PARVB: variants seen among roughly 807,000 people sequenced by gnomAD.
The protein encoded by PARVB is beta-parvin.
Under a neutral mutation model 47.0 loss-of-function variants are expected in PARVB, and 46 were observed. The observed-to-expected ratio is 0.98, with a 90% CI of 0.77 to 1.25. PARVB has a LOEUF of 1.25. Ranked by LOEUF, PARVB falls within the 50% of genes most tolerant of loss-of-function variation. The pLI, the probability that PARVB is intolerant of heterozygous loss-of-function variation, is 0.00. For missense variants in PARVB, 473 were observed against 471.6 expected, an observed-to-expected ratio of 1.00 and a Z score of -0.03; for synonymous variants, 196 against 196.3, an observed-to-expected ratio of 1.00 and a Z score of 0.01.
At chr22:44,021,433 AAGAG>A (rs1005008273), upstream of PARVB, among the ~76,000 whole-genome samples, 3 of 152,298 alleles carry the variant, frequency 2.0e-5, no homozygotes, top group African/African-American at 7.2e-5. Context: ...GAAGGTCAGA[AAGAG>A]AGAGAAACTA....
intron 2 of PARVB, among the ~76,000 whole-genome samples, chr22:44,015,928 G>T (rs1362101871): frequency 1.3e-5 from 2 of 152,032 alleles, no homozygotes; most frequent in Admixed American, 6.6e-5. Flanking sequence ...TATACAAATG[G>T]CACACCTGGC....
At chr22:44,083,438 G>A (rs982053431) in intron 1 of PARVB, among the ~76,000 whole-genome samples, 6 of 152,176 alleles carry the variant, frequency 3.9e-5, no homozygotes, top group South Asian at 2.1e-4. Flanking sequence ...AGGGAGATGA[G>A]CACAGTCCAC....
intron 2 of PARVB, among the ~76,000 whole-genome samples, chr22:44,006,703 GGCCTGT>G (rs1191197647): frequency 6.6e-6 from 1 of 152,214 alleles, no homozygotes; most frequent in Non-Finnish European, 1.5e-5. Context: ...ATTCCCAGGT[GGCCTGT>G]GTGTGCAGTC....
chr22:44,008,111 T>C (rs1011977860), intron 2 of PARVB, among the ~76,000 whole-genome samples: 31 of 152,270 alleles, frequency 2.0e-4, no homozygotes, highest in African/African-American at 7.2e-4. Flanking sequence ...TGTTGTTGTT[T>C]TGTTTTTGAG....
intron 1 of PARVB, among the ~76,000 whole-genome samples, chr22:44,040,530 C>T (rs4823187): frequency 1.3e-5 from 2 of 152,058 alleles, no homozygotes; most frequent in African/African-American, 2.4e-5. Context: ...GAGAAGTGAC[C>T]ATGGAGGTGG....
At chr22:44,113,704 A>T (rs1238348242) in intron 3 of PARVB, 3 of 65,520 alleles carry the variant, frequency 4.6e-5, no homozygotes, top group Admixed American at 4.1e-4. Flanking sequence ...ACCAACACAG[A>T]TACATTGTTA....
At chr22:44,164,800 G>A (rs937201409) in intron 12 of PARVB, among the ~76,000 whole-genome samples, 1 of 152,144 alleles carries the variant, frequency 6.6e-6, no homozygotes, top group African/African-American at 2.4e-5. Context: ...GCCAGCATCC[G>A]CTCAACGGCG....
chr22:44,055,404 G>A (rs994386362), intron 1 of PARVB, among the ~76,000 whole-genome samples: 8 of 149,754 alleles, frequency 5.3e-5, no homozygotes, highest in African/African-American at 9.9e-5. Flanking sequence ...GTGTGATCTC[G>A]GCTCAGTGCA....
intron 2 of PARVB, among the ~76,000 whole-genome samples, chr22:44,013,578 T>C (rs1268826260): frequency 3.9e-5 from 6 of 152,232 alleles, no homozygotes; most frequent in African/African-American, 1.4e-4. Context: ...CAGTCTGTGC[T>C]CTTTTGCATC....
intron 1 of PARVB, among the ~76,000 whole-genome samples, chr22:44,064,608 G>A (rs2051483608): frequency 6.6e-6 from 1 of 152,208 alleles, no homozygotes; most frequent in African/African-American, 2.4e-5. Flanking sequence ...GGAGGCAGAG[G>A]CTGGAGGATC....
chr22:44,073,940 G>A (rs945836655), intron 1 of PARVB, among the ~76,000 whole-genome samples: 3 of 152,252 alleles, frequency 2.0e-5, no homozygotes, highest in Non-Finnish European at 2.9e-5. Flanking sequence ...GTGTGATTAT[G>A]GTGTGTATTT....
chr22:44,118,763 G>A (rs1157230836), intron 3 of PARVB, among the ~76,000 whole-genome samples: 2 of 152,030 alleles, frequency 1.3e-5, no homozygotes, highest in African/African-American at 2.4e-5. Context: ...TGGTCCTGGT[G>A]GCCACAGAGC....
chr22:44,080,770 A>G (rs1213958899), intron 1 of PARVB, among the ~76,000 whole-genome samples: 1 of 152,124 alleles, frequency 6.6e-6, no homozygotes, highest in Non-Finnish European at 1.5e-5. Context: ...GAGTCCCGAA[A>G]CCCTGATTCA....
chr22:44,072,372 G>A (rs929901063), intron 1 of PARVB, among the ~76,000 whole-genome samples: 2 of 152,112 alleles, frequency 1.3e-5, no homozygotes, highest in Admixed American at 1.3e-4. Context: ...GCATCAGATA[G>A]GACAAGGGAA....
At chr22:44,012,962 T>C (rs1266628306) in intron 2 of PARVB, among the ~76,000 whole-genome samples, 1 of 152,040 alleles carries the variant, frequency 6.6e-6, no homozygotes, top group East Asian at 1.9e-4. Context: ...AGTTGCGCGA[T>C]GTCAGCTTAC....
intron 12 of PARVB, among the ~76,000 whole-genome samples, chr22:44,165,332 G>C (rs2054143327): frequency 6.6e-6 from 1 of 152,170 alleles, no homozygotes. Context: ...AGGGAGCAGG[G>C]CTTTGTCCCC....
chr22:44,132,893 G>T lies in PARVB; in HGVS notation c.518-1G>T. 1 of 1,608,986 alleles carries T rather than the reference G, an allele frequency of 6.2e-7. No homozygotes were observed. The highest frequency in any genetic ancestry group is 8.5e-7 in the Non-Finnish European group (1 of 1,175,386). On this transcript the variant is annotated splice_acceptor_variant, in intron 5 of 12. Coordinates refer to ENST00000338758, the MANE Select transcript of PARVB (RefSeq NM_013327.5). LOFTEE classifies it high-confidence loss of function. Reference sequence around the variant, plus strand: ...GTCTCCCTTCCTCCTTCCTCCTGCAGCAATTCACGGGAAGAACCTGGTGGC... The same window carrying T: ...GTCTCCCTTCCTCCTTCCTCCTGCATCAATTCACGGGAAGAACCTGGTGGC...
chr22:44,161,909 G>A (rs2147179408), intron 11 of PARVB, among the ~76,000 whole-genome samples: 1 of 152,322 alleles, frequency 6.6e-6, no homozygotes, highest in Non-Finnish European at 1.5e-5. Flanking sequence ...CAGGCAGGCT[G>A]TCCTGCAGGG....
At chr22:44,127,301 T>G (rs975212792) in intron 4 of PARVB, among the ~76,000 whole-genome samples, 3 of 152,168 alleles carry the variant, frequency 2.0e-5, no homozygotes, top group African/African-American at 7.2e-5. Flanking sequence ...AATATTCAGA[T>G]AGTAACACAG....
Sources: gnomAD v4.1 joint callset for allele counts (sites outside exome capture counted in the v4.1 genomes callset) on GRCh38, gnomAD v4.1.1 for gene constraint, MANE v1.5 for transcripts, NCBI Gene and HGNC (gene_info 2026-07-23, HGNC 2026-07-21) for gene names.